Variants in MDFIC observed in about 807,000 individuals in gnomAD.
MDFIC encodes myoD family inhibitor domain-containing protein.
A neutral mutation model predicts 23.2 loss-of-function variants in MDFIC; 17 were observed. That is an observed-to-expected ratio of 0.73 (90% CI 0.50 to 1.10). The LOEUF (loss-of-function observed/expected upper bound fraction) is 1.10. Among genes scored for constraint, MDFIC ranks in the 50% least tolerant of loss-of-function variants. The probability of loss-of-function intolerance (pLI) is 0.00; values close to 1 mark genes in which losing one functional copy is unlikely to be tolerated. For synonymous variants in MDFIC, 120 were observed against 115.2 expected (o/e 1.04, Z -0.27); for missense variants, 356 against 316.6 (o/e 1.12, Z -0.95).
At chr7:114,952,667 T>C (rs1264074114) in intron 3 of MDFIC, among the ~76,000 whole-genome samples, 2 of 152,146 alleles carry the variant, frequency 1.3e-5, no homozygotes, top group Non-Finnish European at 2.9e-5. Context: ...ATATTTTCCA[T>C]GGTTCATGAG....
intron 4 of MDFIC, among the ~76,000 whole-genome samples, chr7:115,015,358 G>T (rs1791773988): frequency 6.6e-6 from 1 of 152,184 alleles, no homozygotes; most frequent in Non-Finnish European, 1.5e-5. Context: ...AGAGCAATAG[G>T]ATATAGAAAG....
intron 2 of MDFIC, chr7:114,923,429 T>TA (rs1792131124): frequency 6.5e-7 from 1 of 1,532,856 alleles, no homozygotes; most frequent in Admixed American, 2.0e-5. Flanking sequence ...TAAGACTCAA[T>TA]GTGTAGGTTC....
chr7:114,948,445 CT>C (rs1792693275), intron 3 of MDFIC, among the ~76,000 whole-genome samples: 1 of 151,904 alleles, frequency 6.6e-6, no homozygotes, highest in Non-Finnish European at 1.5e-5. Flanking sequence ...TATTTATGGC[CT>C]TTTTTGCATC....
chr7:115,004,625 T>A (rs967380458), intron 4 of MDFIC, among the ~76,000 whole-genome samples: 1 of 152,228 alleles, frequency 6.6e-6, no homozygotes, highest in Admixed American at 6.5e-5. Flanking sequence ...GAATCTGACA[T>A]GTAGTCAAAT....
intron 3 of MDFIC, among the ~76,000 whole-genome samples, chr7:114,947,236 G>A (rs1792664692): frequency 6.6e-6 from 1 of 152,052 alleles, no homozygotes; most frequent in Admixed American, 6.6e-5. Context: ...AATATTTCAT[G>A]CTCATTCATT....
intron 3 of MDFIC, among the ~76,000 whole-genome samples, chr7:114,948,555 G>A (rs972071659): frequency 6.6e-6 from 1 of 151,880 alleles, no homozygotes; most frequent in Admixed American, 6.6e-5. Flanking sequence ...AGCTTGGATG[G>A]ACTTTTCTTC....
At chr7:114,999,167 A>G (rs947137429) in intron 4 of MDFIC, among the ~76,000 whole-genome samples, 4 of 152,048 alleles carry the variant, frequency 2.6e-5, no homozygotes, top group African/African-American at 9.7e-5. Context: ...ATTGACTACC[A>G]TTTATAGAAA....
At chr7:114,939,585 T>C (rs2115748358) in intron 2 of MDFIC, among the ~76,000 whole-genome samples, 1 of 152,178 alleles carries the variant, frequency 6.6e-6, no homozygotes, top group South Asian at 2.1e-4. Flanking sequence ...AACTTTATTT[T>C]TTGCCTAGAG....
chr7:114,958,578 C>T (rs1257039522), intron 3 of MDFIC, among the ~76,000 whole-genome samples: 1 of 152,066 alleles, frequency 6.6e-6, no homozygotes, highest in Non-Finnish European at 1.5e-5. Flanking sequence ...TTGTGAAACC[C>T]CATCTCTACT....
chr7:114,969,386 A>G lies in MDFIC; in HGVS notation c.218-10120A>G, dbSNP rs552719907. Among the ~76,000 whole-genome samples the G allele has an allele frequency of 9.8e-5, 15 of 152,288 alleles. No individual in the cohort carries two copies. In the East Asian group the frequency reaches 2.3e-3, roughly 24 times the overall value. On this transcript the variant is annotated intron_variant, in intron 3 of 4. Coordinates refer to ENST00000393486, the MANE Select transcript of MDFIC (RefSeq NM_001166345.3). The stretch of plus-strand genomic sequence containing the variant: ...ATCAGTTAATTTTCACTTGGTGTCC[A>G]CTGGGTGCTGAACATCATACAAGGC...
intron 4 of MDFIC, among the ~76,000 whole-genome samples, chr7:115,005,610 A>C (rs550308729): frequency 6.6e-6 from 1 of 152,206 alleles, no homozygotes; most frequent in African/African-American, 2.4e-5. Context: ...GTAATAATAC[A>C]CTAGGCTACA....
chr7:114,946,054 A>G, intron 3 of MDFIC, among the ~76,000 whole-genome samples: 1 of 152,232 alleles, frequency 6.6e-6, no homozygotes, highest in Non-Finnish European at 1.5e-5. Context: ...TGTTACAGTG[A>G]AGCGACACCA....
Position 114,922,194 on chromosome 7 carries a change from C to A in MDFIC, c.-550C>A, listed in dbSNP as rs1237361455. ...GCCTCCTGACCCAGACAGCGCAGGGCGCGAGGGATCGCGCGGCCGAGCCCG... is the reference window on the plus strand; with the variant it reads ...GCCTCCTGACCCAGACAGCGCAGGGAGCGAGGGATCGCGCGGCCGAGCCCG... On this transcript the variant is annotated 5_prime_UTR_variant, in exon 1 of 5. Coordinates refer to ENST00000393486, the MANE Select transcript of MDFIC (RefSeq NM_001166345.3). 2 of 407,720 alleles carry A rather than the reference C, an allele frequency of 4.9e-6. No individual in the cohort carries two copies. Among genetic ancestry groups the A allele is most frequent in the Non-Finnish European group, 8.4e-6 (2 of 239,126 alleles). The allele number at this position is 407,720 out of a possible 1,614,324, so 25.3% of individuals were successfully genotyped here.
At chr7:114,988,639 T>C (rs1793552523) in intron 4 of MDFIC, among the ~76,000 whole-genome samples, 1 of 152,174 alleles carries the variant, frequency 6.6e-6, no homozygotes, top group South Asian at 2.1e-4. Context: ...GTTCAATTAA[T>C]TTGGAAATTG....
intron 4 of MDFIC, among the ~76,000 whole-genome samples, chr7:114,985,792 T>A (rs1793501183): frequency 6.6e-6 from 1 of 151,864 alleles, no homozygotes; most frequent in South Asian, 2.1e-4. Context: ...AATGAACCAG[T>A]CTACGGAGCC....
At chr7:114,942,607 A>C (rs914225782) in intron 3 of MDFIC, among the ~76,000 whole-genome samples, 1 of 152,222 alleles carries the variant, frequency 6.6e-6, no homozygotes, top group Non-Finnish European at 1.5e-5. Flanking sequence ...TGAAGAATTG[A>C]CGCGTAAATA....
At chr7:115,015,380 G>C (rs1791774799) in intron 4 of MDFIC, among the ~76,000 whole-genome samples, 1 of 152,186 alleles carries the variant, frequency 6.6e-6, no homozygotes, top group African/African-American at 2.4e-5. Context: ...TGAGTAAGAA[G>C]GATAGAGAAG....
At chr7:114,934,411 A>G (rs1389057498) in intron 2 of MDFIC, among the ~76,000 whole-genome samples, 1 of 152,204 alleles carries the variant, frequency 6.6e-6, no homozygotes, top group Non-Finnish European at 1.5e-5. Flanking sequence ...ATTTTAAATG[A>G]TTGCTGCACT....
chr7:114,972,212 C>A (rs1793218511), intron 3 of MDFIC, among the ~76,000 whole-genome samples: 1 of 152,006 alleles, frequency 6.6e-6, no homozygotes, highest in African/African-American at 2.4e-5. Context: ...GCATTCAAAC[C>A]CCGGTTTGTC....
Sources: gnomAD v4.1 joint callset for allele counts (sites outside exome capture counted in the v4.1 genomes callset) on GRCh38, gnomAD v4.1.1 for gene constraint, MANE v1.5 for transcripts, NCBI Gene and HGNC (gene_info 2026-07-23, HGNC 2026-07-21) for gene names.